The following CHCHD4 variants were observed in gnomAD, a reference collection of about 807,000 sequenced individuals.
CHCHD4 encodes coiled-coil-helix-coiled-coil-helix domain containing 4, also known as mitochondrial intermembrane space import and assembly protein 40.
Under a neutral mutation model 12.4 loss-of-function variants are expected in CHCHD4, and 7 were observed. The ratio of observed to expected loss-of-function variants is 0.57; its 90% CI spans 0.32 to 1.06. The LOEUF is 1.06. Among genes scored for constraint, CHCHD4 ranks in the 50% least tolerant of loss-of-function variants. The pLI, the probability that CHCHD4 is intolerant of heterozygous loss-of-function variation, is 0.04. For synonymous variants in CHCHD4, 56 were observed against 58.0 expected (o/e 0.97, Z 0.16); for missense variants, 143 against 175.1 (o/e 0.82, Z 1.03).
intron 2 of CHCHD4, among the ~76,000 whole-genome samples, chr3:14,114,293 C>T (rs1000747794): frequency 6.6e-6 from 1 of 152,198 alleles, no homozygotes; most frequent in African/African-American, 2.4e-5. Flanking sequence ...CCTTAGCAGG[C>T]GCAGACCCCC....
chr3:14,123,602 C>A (rs1694964416), intron 1 of CHCHD4, among the ~76,000 whole-genome samples: 1 of 152,142 alleles, frequency 6.6e-6, no homozygotes, highest in Non-Finnish European at 1.5e-5. Flanking sequence ...AATTAACTGA[C>A]GGAGCTGGAG....
At chr3:14,124,531 C>A (rs1694982079) in intron 1 of CHCHD4, 124 bp downstream of exon 1, 5 of 796,316 alleles carry the variant, frequency 6.3e-6, no homozygotes, top group Non-Finnish European at 9.1e-6. Context: ...TCCGAGTGTC[C>A]CAGGGTGGGC....
intron 1 of CHCHD4, among the ~76,000 whole-genome samples, chr3:14,124,117 T>A (rs1174722815): frequency 6.6e-6 from 1 of 152,174 alleles, no homozygotes; most frequent in Non-Finnish European, 1.5e-5. Context: ...GCGAGATCTG[T>A]GAGACAAGCC....
At chr3:14,116,342 G>C (rs1407847043) in intron 2 of CHCHD4, 84 bp downstream of exon 2, 1 of 989,520 alleles carries the variant, frequency 1.0e-6, no homozygotes. Flanking sequence ...GCCTTGGCTA[G>C]GAAAACATGG....
At position 14,124,788 on chromosome 3, in the gene CHCHD4, A is replaced by C; in HGVS notation, c.-112T>G. The C allele has an allele frequency of 7.9e-7, 1 of 1,261,132 alleles. No individual in the cohort carries two copies. The highest frequency in any genetic ancestry group is 1.1e-6 in the Non-Finnish European group (1 of 938,106). The allele number at this position is 1,261,132 out of a possible 1,614,324, so 78.1% of individuals were successfully genotyped here. ...GCGGGCTCCTCCGAAGCCCGCGCGG[A>C]CCCGCCCCCTCCCAGGCCTGCCCGC... On this transcript the variant is annotated 5_prime_UTR_variant, in exon 1 of 3. Coordinates refer to ENST00000396914, the MANE Select transcript of CHCHD4 (RefSeq NM_001098502.2).
chr3:14,122,572 G>A (rs1694946885), intron 1 of CHCHD4, among the ~76,000 whole-genome samples: 2 of 152,184 alleles, frequency 1.3e-5, no homozygotes, highest in South Asian at 4.1e-4. Context: ...GTAGCAGGTG[G>A]ACCCCTGAAA....
chr3:14,123,727 G>A (rs1174051856), intron 1 of CHCHD4, among the ~76,000 whole-genome samples: 2 of 152,200 alleles, frequency 1.3e-5, no homozygotes, highest in African/African-American at 4.8e-5. Context: ...TATCAATGAA[G>A]CCCAACATCT....
rs142227087 is a variant in CHCHD4, at chr3:14,112,726, CAA to C, written c.*159_*160del. 8.2e-3 allele frequency: 5,449 copies of C among 665,768 alleles called. 251 individuals carry two copies. The African/African-American group carries it at 0.089, about 11-fold the overall frequency. The allele number at this position is 665,768 out of a possible 1,614,324, so 41.2% of individuals were successfully genotyped here. ...CCCCCATTTTTTTCAGTGTATATGT[CAA>C]GATGTCAAGACCTCAAGACCTCTGA... is the stretch of plus-strand genomic sequence containing the variant. On this transcript the variant is annotated 3_prime_UTR_variant, in exon 3 of 3. Transcript: ENST00000396914.
At position 14,122,763 on chromosome 3, in the gene CHCHD4, A is replaced by G. The variant is rs141961144; in HGVS notation, c.22+1892T>C. Among the ~76,000 whole-genome samples the G allele has an allele frequency of 2.0e-5, 3 of 152,356 alleles. No homozygotes were observed. In the East Asian group the frequency reaches 5.8e-4, roughly 29 times the overall value. ...CAGGAAGTAAGATGGCAAAAAATAA[A>G]AAAGGTCATTTCAGACAGTTCAGGA... On this transcript the variant is annotated intron_variant, in intron 1 of 2. Coordinates refer to ENST00000396914, the MANE Select transcript of CHCHD4 (RefSeq NM_001098502.2).
intron 1 of CHCHD4, chr3:14,119,071 C>T (rs920386486): frequency 1.3e-5 from 2 of 152,400 alleles, no homozygotes; most frequent in African/African-American, 4.8e-5. Flanking sequence ...TGATACACAG[C>T]CAGGTTAGGA....
At chr3:14,113,541 C>T (rs1456825288) in intron 2 of CHCHD4, among the ~76,000 whole-genome samples, 1 of 152,198 alleles carries the variant, frequency 6.6e-6, no homozygotes, top group Non-Finnish European at 1.5e-5. Flanking sequence ...AGCCCAAACA[C>T]TTTAAGGAAC....
chr3:14,115,107 A>G (rs1287557825), intron 2 of CHCHD4, among the ~76,000 whole-genome samples: 3 of 152,162 alleles, frequency 2.0e-5, no homozygotes, highest in Non-Finnish European at 4.4e-5. Flanking sequence ...TGGTCCACTT[A>G]CTAATTTTGC....
chr3:14,121,822 C>T, intron 1 of CHCHD4: 1 of 1,599,640 alleles, frequency 6.3e-7, no homozygotes, highest in Non-Finnish European at 8.5e-7. Flanking sequence ...ATACAACTCC[C>T]CCATACAGAA....
At chr3:14,119,013 C>T (rs1036130985) in intron 1 of CHCHD4, 3 of 152,300 alleles carry the variant, frequency 2.0e-5, no homozygotes, top group Admixed American at 6.5e-5. Flanking sequence ...AAAGCTGAAT[C>T]GAGCTCTCTG....
chr3:14,114,481 C>G (rs1574930416), intron 2 of CHCHD4, among the ~76,000 whole-genome samples: 2 of 152,124 alleles, frequency 1.3e-5, no homozygotes, highest in East Asian at 3.9e-4. Flanking sequence ...TCCCAGAGTC[C>G]ATGCCCCTTC....
chr3:14,114,010 C>T (rs1275725309), intron 2 of CHCHD4, among the ~76,000 whole-genome samples: 1 of 152,164 alleles, frequency 6.6e-6, no homozygotes, highest in African/African-American at 2.4e-5. Context: ...AGACATGATT[C>T]ATACAGAAGT....
chr3:14,124,684 G>A lies in CHCHD4; in HGVS notation c.-8C>T, dbSNP rs745983194. On this transcript the variant is annotated 5_prime_UTR_variant, in exon 1 of 3. Transcript: ENST00000396914. ...CTGCCGGCAATAGGACATGGCTGCA[G>A]CCCGTCCCTGAGACCTTGCAGAAGC... The A allele has an allele frequency of 1.3e-6, 2 of 1,528,448 alleles. No individual in the cohort carries two copies. The highest frequency in any genetic ancestry group is 2.9e-5 in the African/African-American group (2 of 69,748). 94.7% of individuals were successfully genotyped at this position (1,528,448 alleles called of 1,614,324 possible). A position where few individuals can be genotyped will look rare whatever the true frequency, so the allele number is the denominator to read the frequency against.
Position 14,112,890 on chromosome 3 carries a change from A to G in CHCHD4, c.426T>C (p.Ser142=), listed in dbSNP as rs1694835784. Residue 142 remains serine, a synonymous_variant, in exon 3 of 3, where the codon AGT becomes AGC. Transcript: ENST00000396914. ...ATATKEEEGS[S] is the part of the protein sequence containing the mutation. ...GCCCAGTGCCTTGTGGCCTTCATTA[A>G]CTTGATCCCTCCTCTTCTTTGGTTG... The G allele has an allele frequency of 6.2e-7, 1 of 1,609,692 alleles. No homozygotes were observed. Among genetic ancestry groups the G allele is most frequent in the African/African-American group, 1.3e-5 (1 of 74,598 alleles).
intron 1 of CHCHD4, among the ~76,000 whole-genome samples, chr3:14,121,668 T>G (rs1694935766): frequency 6.6e-6 from 1 of 152,226 alleles, no homozygotes; most frequent in Non-Finnish European, 1.5e-5. Flanking sequence ...AACCACTACT[T>G]TCTGAAGCTC....
Sources: gnomAD v4.1 joint callset for allele counts (sites outside exome capture counted in the v4.1 genomes callset) on GRCh38, gnomAD v4.1.1 for gene constraint, MANE v1.5 for transcripts, NCBI Gene and HGNC (gene_info 2026-07-23, HGNC 2026-07-21) for gene names.